Variants in GLIS3 observed in about 807,000 individuals in gnomAD.
GLIS3 encodes the protein zinc finger protein GLIS3.
A neutral mutation model predicts 78.6 loss-of-function variants in GLIS3; 53 were observed. The ratio of observed to expected loss-of-function variants is 0.67; its 90% CI spans 0.54 to 0.85. GLIS3 has a LOEUF of 0.85. GLIS3 is among the 40% of genes least tolerant of loss of function. GLIS3 has a pLI of 0.00. For synonymous variants in GLIS3, 684 were observed against 509.9 expected (o/e 1.34, Z -4.60); for missense variants, 1,703 against 1,231.1 (o/e 1.38, Z -5.74).
the GLIS3 span, among the ~76,000 whole-genome samples, chr9:4,416,869 A>T: frequency 8.0e-6 from 1 of 125,400 alleles, no homozygotes; most frequent in Non-Finnish European, 1.6e-5. Flanking sequence ...CCCAGGCTGG[A>T]GTGCAGTGGT....
intron 2 of GLIS3, among the ~76,000 whole-genome samples, chr9:4,166,739 G>T (rs887287667): frequency 2.0e-5 from 3 of 152,232 alleles, no homozygotes; most frequent in African/African-American, 7.2e-5. Context: ...TCTGATGAAG[G>T]CATAAGTGAA....
At chr9:4,326,198 G>A (rs745991591) in intron 2 of GLIS3, among the ~76,000 whole-genome samples, 10 of 151,878 alleles carry the variant, frequency 6.6e-5, no homozygotes, top group African/African-American at 1.7e-4. Flanking sequence ...CGTGTACCCG[G>A]GAACTTAAAA....
At chr9:3,945,594 T>C (rs112750113) in intron 4 of GLIS3, among the ~76,000 whole-genome samples, 61 of 152,252 alleles carry the variant, frequency 4.0e-4, no homozygotes, top group African/African-American at 1.4e-3. Flanking sequence ...TCCATATTAT[T>C]TTCTATATAT....
the GLIS3 span, chr9:4,386,470 T>C: frequency 6.6e-6 from 1 of 152,212 alleles, no homozygotes; most frequent in Non-Finnish European, 1.5e-5. Flanking sequence ...ATGTTAATCT[T>C]CTCTGTATCA....
chr9:4,441,161 C>A, the GLIS3 span, among the ~76,000 whole-genome samples: 1 of 152,154 alleles, frequency 6.6e-6, no homozygotes, highest in Admixed American at 6.5e-5. Context: ...TCTTGCCTAG[C>A]TACTCTGGCT....
At chr9:4,025,593 T>G (rs573110351) in intron 4 of GLIS3, among the ~76,000 whole-genome samples, 1 of 152,090 alleles carries the variant, frequency 6.6e-6, no homozygotes, top group Non-Finnish European at 1.5e-5. Flanking sequence ...TCACCATGTT[T>G]GCCAGGAGGG....
chr9:3,837,425 C>T (rs1284778398), intron 9 of GLIS3, among the ~76,000 whole-genome samples: 1 of 152,194 alleles, frequency 6.6e-6, no homozygotes, highest in Admixed American at 6.5e-5. Flanking sequence ...CTTATATTTA[C>T]CCAAAGGGTT....
chr9:4,162,214 CCTT>C (rs1439070937), intron 2 of GLIS3, among the ~76,000 whole-genome samples: 1 of 152,172 alleles, frequency 6.6e-6, no homozygotes, highest in Non-Finnish European at 1.5e-5. Flanking sequence ...GTCCAAATTT[CCTT>C]CTTTTTTTAA....
At chr9:4,105,571 T>C (rs1021171961) in intron 4 of GLIS3, among the ~76,000 whole-genome samples, 1 of 152,216 alleles carries the variant, frequency 6.6e-6, no homozygotes, top group African/African-American at 2.4e-5. Context: ...CAATATGTAC[T>C]CTTAATTTTA....
chr9:4,051,890 G>C (rs1245645924), intron 4 of GLIS3, among the ~76,000 whole-genome samples: 1 of 152,144 alleles, frequency 6.6e-6, no homozygotes, highest in Non-Finnish European at 1.5e-5. Context: ...AACAGTGGAA[G>C]GTACTAACGT....
At chr9:4,184,769 A>T (rs1431611121) in intron 2 of GLIS3, among the ~76,000 whole-genome samples, 1 of 152,194 alleles carries the variant, frequency 6.6e-6, no homozygotes, top group Non-Finnish European at 1.5e-5. Flanking sequence ...ACAATATATT[A>T]AGTGCTTTTA....
chr9:4,399,630 T>C, the GLIS3 span, among the ~76,000 whole-genome samples: 2 of 152,236 alleles, frequency 1.3e-5, no homozygotes, highest in Non-Finnish European at 2.9e-5. Flanking sequence ...ATAATTTATA[T>C]CTAAATCTAT....
chr9:4,389,434 A>C, the GLIS3 span, among the ~76,000 whole-genome samples: 6 of 152,188 alleles, frequency 3.9e-5, no homozygotes, highest in Non-Finnish European at 7.3e-5. Context: ...TTTTGCCTGG[A>C]TATCGCACAG....
chr9:3,957,212 G>A (rs1002314137), intron 4 of GLIS3, among the ~76,000 whole-genome samples: 16 of 152,212 alleles, frequency 1.1e-4, no homozygotes, highest in African/African-American at 3.9e-4. Context: ...AGTGGGTGTG[G>A]AGCCCTTTCC....
intron 6 of GLIS3, among the ~76,000 whole-genome samples, chr9:3,931,137 C>A (rs887352924): frequency 6.6e-6 from 1 of 152,034 alleles, no homozygotes; most frequent in Admixed American, 6.6e-5. Flanking sequence ...ATGATTTTAA[C>A]AATTAACTTA....
At chr9:4,407,846 A>G in the GLIS3 span, among the ~76,000 whole-genome samples, 1 of 152,298 alleles carries the variant, frequency 6.6e-6, no homozygotes, top group East Asian at 1.9e-4. Context: ...AATGAGAGAA[A>G]GTATTTGAAC....
rs987970681 is a variant in GLIS3, at chr9:4,189,701, A to T, written c.389-63760T>A. Among the ~76,000 whole-genome samples the T allele has an allele frequency of 3.9e-5, 6 of 152,214 alleles. No homozygotes were observed. The East Asian group carries it at 1.2e-3, about 29-fold the overall frequency. ...TCCTGTACTGGGTGCATATATATTT[A>T]GGATAGTTAGCTCTTCTTGTTGAAT... On this transcript the variant is annotated intron_variant, in intron 2 of 10. Transcript: ENST00000381971.
At chr9:4,032,742 T>C (rs1823954058) in intron 4 of GLIS3, among the ~76,000 whole-genome samples, 1 of 150,384 alleles carries the variant, frequency 6.6e-6, no homozygotes, top group Non-Finnish European at 1.5e-5. Flanking sequence ...AGGTTTCTGC[T>C]TACCACATCC....
the GLIS3 span, among the ~76,000 whole-genome samples, chr9:4,392,312 C>T: frequency 2.6e-5 from 4 of 152,014 alleles, no homozygotes; most frequent in Non-Finnish European, 5.9e-5. Context: ...ATCTAGGTGA[C>T]GGGTTGATAG....
Sources: allele counts gnomAD v4.1 joint callset (sites outside exome capture counted in the v4.1 genomes callset), GRCh38; gene constraint gnomAD v4.1.1; transcripts MANE v1.5; gene names NCBI Gene and HGNC (gene_info 2026-07-23, HGNC 2026-07-21).